The following ANK2 variants were observed in gnomAD, a reference collection of about 807,000 sequenced individuals.
ANK2 encodes ankyrin-2.
Under a neutral mutation model 360.5 loss-of-function variants are expected in ANK2, and 83 were observed. The observed-to-expected ratio is 0.23, with a 90% CI of 0.19 to 0.28. The LOEUF (loss-of-function observed/expected upper bound fraction) is 0.28. Ranked by LOEUF, ANK2 falls within the 10% of genes least tolerant of loss-of-function variation. The pLI is 1.00. For synonymous variants in ANK2, 1,740 were observed against 1,759.5 expected (o/e 0.99, Z 0.28); for missense variants, 4,201 against 4,795.7 (o/e 0.88, Z 3.66).
chr4:113,248,863 A>T (rs1320425500), intron 9 of ANK2, among the ~76,000 whole-genome samples: 1 of 152,136 alleles, frequency 6.6e-6, no homozygotes, highest in Non-Finnish European at 1.5e-5. Flanking sequence ...TTCCACCTCA[A>T]ATCACCAGTA....
chr4:113,001,355 G>C (rs1214650126), intron 2 of ANK2, among the ~76,000 whole-genome samples: 3 of 141,466 alleles, frequency 2.1e-5, no homozygotes, highest in Admixed American at 7.1e-5. Flanking sequence ...AAAAAAAGGT[G>C]AAACTTTATG....
At chr4:112,817,448 C>G (rs1232968305), upstream of ANK2, among the ~76,000 whole-genome samples, 1 of 152,130 alleles carries the variant, frequency 6.6e-6, no homozygotes. Flanking sequence ...GTCTGCTTAT[C>G]TGCCTATCCG....
intron 1 of ANK2, among the ~76,000 whole-genome samples, chr4:113,050,470 G>A (rs2066462486): frequency 6.6e-6 from 1 of 152,040 alleles, no homozygotes; most frequent in Non-Finnish European, 1.5e-5. Context: ...TTCTTACTGT[G>A]GCATACATTC....
rs2154065951 is a variant in ANK2 at position 113,369,558 on chromosome 4, T to A, written c.11363T>A (p.Met3788Lys). The change falls in exon 43 of 46, where the codon ATG becomes AAG. Residue 3788 changes from methionine to lysine, a missense_variant. This residue lies in a region of ANK2 where 2,642 missense variants were observed against 2,714.5 expected (regional missense o/e 0.97). Transcript: ENST00000357077. ...GAAACATCAGAGACTCAGAAGGCTA[T>A]GATAGTACCCAGCTCTCCCAGCAAG... The part of the protein sequence containing the change: ...GTETSETQKA[M>K]IVPSSPSKTP... 1 of 1,614,170 alleles carries A rather than the reference T, an allele frequency of 6.2e-7. No individual in the cohort carries two copies. The highest frequency in any genetic ancestry group is 1.7e-5 in the Admixed American group (1 of 60,020).
At chr4:112,843,670 A>C (rs561719636) in intron 1 of ANK2, among the ~76,000 whole-genome samples, 101 of 152,326 alleles carry the variant, frequency 6.6e-4, no homozygotes, top group African/African-American at 2.3e-3. Context: ...CAAAAAATGA[A>C]AATTTTTTTT....
intron 1 of ANK2, among the ~76,000 whole-genome samples, chr4:113,122,926 A>G (rs1290556948): frequency 6.6e-6 from 1 of 150,816 alleles, no homozygotes; most frequent in Non-Finnish European, 1.5e-5. Flanking sequence ...AAATTTATAT[A>G]TTTATTAATT....
chr4:112,724,334 G>A, the ANK2 span, among the ~76,000 whole-genome samples: 3 of 152,044 alleles, frequency 2.0e-5, no homozygotes, highest in African/African-American at 7.2e-5. Context: ...CAAAGTGCTG[G>A]GATTAAAGGC....
chr4:112,944,912 A>T, intron 2 of ANK2, among the ~76,000 whole-genome samples: 1 of 152,352 alleles, frequency 6.6e-6, no homozygotes, highest in East Asian at 1.9e-4. Context: ...AGGCAGTGTC[A>T]TATTGACAGT....
At chr4:113,031,059 A>G (rs886947990) in intron 2 of ANK2, among the ~76,000 whole-genome samples, 2 of 152,044 alleles carry the variant, frequency 1.3e-5, no homozygotes, top group Non-Finnish European at 2.9e-5. Flanking sequence ...ATGAATGGTC[A>G]TTTTTCTTTA....
chr4:112,883,663 A>G (rs1031756854), intron 1 of ANK2, among the ~76,000 whole-genome samples: 37 of 152,028 alleles, frequency 2.4e-4, no homozygotes, highest in African/African-American at 8.0e-4. Context: ...CTCCACTTTA[A>G]AAAAGCTAAA....
At chr4:113,297,243 G>A (rs1182576316) in intron 22 of ANK2, among the ~76,000 whole-genome samples, 2 of 152,108 alleles carry the variant, frequency 1.3e-5, no homozygotes, top group Non-Finnish European at 2.9e-5. Context: ...AAATCCACTG[G>A]GGAGGCATTT....
At chr4:113,311,034 T>C (rs2079680615) in intron 23 of ANK2, among the ~76,000 whole-genome samples, 1 of 152,248 alleles carries the variant, frequency 6.6e-6, no homozygotes, top group Non-Finnish European at 1.5e-5. Flanking sequence ...AAAATTCAAG[T>C]GATTACTTCT....
chr4:113,291,963 T>A (rs190913354), intron 20 of ANK2, among the ~76,000 whole-genome samples: 1 of 152,338 alleles, frequency 6.6e-6, no homozygotes, highest in Admixed American at 6.5e-5. Flanking sequence ...AGAGTCATGA[T>A]GAACAAGCAG....
At chr4:113,049,928 A>G (rs2066186140) in intron 1 of ANK2, 116 bp downstream of exon 1, 1 of 1,288,464 alleles carries the variant, frequency 7.8e-7, no homozygotes, top group African/African-American at 1.5e-5. Context: ...ACTGTAGACG[A>G]TAACAGTGCC....
intron 4 of ANK2, among the ~76,000 whole-genome samples, chr4:113,199,782 T>C (rs2098803336): frequency 6.6e-6 from 1 of 152,150 alleles, no homozygotes. Context: ...ATTCTCTCTA[T>C]TTTTAGGGTT....
intron 1 of ANK2, among the ~76,000 whole-genome samples, chr4:113,113,650 A>G (rs1400454272): frequency 6.6e-6 from 1 of 152,170 alleles, no homozygotes; most frequent in African/African-American, 2.4e-5. Flanking sequence ...CGAGCTCAAA[A>G]TTCAGCCAGA....
At chr4:113,374,839 A>G (rs996292839) in intron 45 of ANK2, 1 of 1,272,462 alleles carries the variant, frequency 7.9e-7, no homozygotes, top group Non-Finnish European at 1.0e-6. Context: ...CCGTAGAGTC[A>G]GCAAAGTTGT....
At chr4:113,002,943 C>T (rs1305717629) in intron 2 of ANK2, among the ~76,000 whole-genome samples, 1 of 152,162 alleles carries the variant, frequency 6.6e-6, no homozygotes, top group East Asian at 1.9e-4. Flanking sequence ...ATGACTTTGC[C>T]CACTTTGTCT....
chr4:112,819,560 C>T (rs1337862818), intron 1 of ANK2, among the ~76,000 whole-genome samples: 1 of 151,928 alleles, frequency 6.6e-6, no homozygotes, highest in Non-Finnish European at 1.5e-5. Context: ...TGGTTTAAGT[C>T]ACAGAACAAC....
Sources: allele counts gnomAD v4.1 joint callset (sites outside exome capture counted in the v4.1 genomes callset), GRCh38; gene constraint gnomAD v4.1.1; regional missense constraint gnomAD v4.1.1; transcripts MANE v1.5; gene names NCBI Gene and HGNC (gene_info 2026-07-23, HGNC 2026-07-21).